KRT80: variants seen among roughly 807,000 people sequenced by gnomAD.
KRT80 encodes the protein keratin 80, also known as keratin, type II cytoskeletal 80.
Under a neutral mutation model 51.5 loss-of-function variants are expected in KRT80, and 36 were observed. The observed-to-expected ratio is 0.70, with a 90% CI of 0.54 to 0.92. The LOEUF is 0.92. Ranked by LOEUF, KRT80 falls within the 40% of genes least tolerant of loss-of-function variation. The pLI is 0.00. For synonymous variants in KRT80, 235 were observed against 248.3 expected (o/e 0.95, Z 0.50); for missense variants, 566 against 591.7 (o/e 0.96, Z 0.45).
chr12:52,173,823 C>A, intron 4 of KRT80, 59 bp from the exon 5 acceptor site: 2 of 1,537,340 alleles, frequency 1.3e-6, no homozygotes, highest in Non-Finnish European at 1.8e-6. Flanking sequence ...GGACCCTCAG[C>A]CCCACACAGT....
At chr12:52,186,946 A>G (rs1416358940) in intron 1 of KRT80, among the ~76,000 whole-genome samples, 4 of 150,510 alleles carry the variant, frequency 2.7e-5, no homozygotes, top group Non-Finnish European at 5.9e-5. Context: ...TCTCCTCCCC[A>G]TTTGTTCTTC....
intron 2 of KRT80, among the ~76,000 whole-genome samples, chr12:52,182,972 C>T (rs1375401358): frequency 6.6e-6 from 1 of 152,206 alleles, no homozygotes; most frequent in Non-Finnish European, 1.5e-5. Context: ...AAGCCCCCTT[C>T]CTCACGGGCT....
At position 52,173,607 on chromosome 12, in the gene KRT80, C is replaced by T. The variant is rs543387824; in HGVS notation, c.824G>A (p.Arg275Gln). ...CTGTGTGGTCAGCCCCACCTGGCTC[C>T]GAGAGTATGCCTCGGCCTCCTCCAG... ...RSLEEAEAYS[R>Q]SQLEEQAARS... Residue 275 changes from arginine (R) to glutamine (Q), a missense_variant, in exon 5 of 9, where the codon CGG (arginine) becomes CAG (glutamine). By Grantham distance (43) the Arg-to-Gln change is conservative. Transcript: ENST00000394815. 111 of 1,612,508 alleles carry T rather than the reference C, an allele frequency of 6.9e-5. 2 individuals carry two copies. The East Asian group carries it at 1.4e-3, about 21-fold the overall frequency.
intron 2 of KRT80, among the ~76,000 whole-genome samples, chr12:52,184,620 A>C (rs186577308): frequency 2.6e-4 from 40 of 152,382 alleles, no homozygotes; most frequent in Non-Finnish European, 2.9e-4. Flanking sequence ...ACACAGGAAG[A>C]AACTGAGGTT....
chr12:52,171,785 C>T, intron 7 of KRT80, 72 bp from the exon 8 acceptor site: 1 of 1,067,702 alleles, frequency 9.4e-7, no homozygotes, highest in Non-Finnish European at 1.4e-6. Flanking sequence ...CTTAAACTCC[C>T]CTGGGGGCTG....
chr12:52,178,892 C>G (rs1941276627), intron 4 of KRT80, among the ~76,000 whole-genome samples: 1 of 151,932 alleles, frequency 6.6e-6, no homozygotes, highest in East Asian at 1.9e-4. Flanking sequence ...AAAACAAGGC[C>G]AAGTTGGGAT....
At chr12:52,188,075 C>T (rs1941431954) in intron 1 of KRT80, among the ~76,000 whole-genome samples, 5 of 152,132 alleles carry the variant, frequency 3.3e-5, no homozygotes. Context: ...CTCTGGTTGT[C>T]TCAGTGGGCG....
At chr12:52,175,182 A>G (rs1006114000) in intron 4 of KRT80, among the ~76,000 whole-genome samples, 2 of 152,124 alleles carry the variant, frequency 1.3e-5, no homozygotes, top group African/African-American at 4.8e-5. Context: ...GTTGGTCCAT[A>G]TGTCTGTAGG....
In KRT80 at chr12:52,191,937, G is replaced by A. The variant is rs1941488891; in HGVS notation, c.-35C>T. On this transcript the variant is annotated 5_prime_UTR_variant, in exon 1 of 9. Transcript: ENST00000394815. ...GGCCGGAAGCAGGAGGGCCCAGGGG[G>A]GTGAGCGAGTGAGCCTGGGGTTGCG... The A allele has an allele frequency of 1.4e-6, 2 of 1,437,794 alleles. No homozygotes were observed. The highest frequency in any genetic ancestry group is 1.8e-6 in the Non-Finnish European group (2 of 1,096,118). 89.1% of individuals were successfully genotyped at this position (1,437,794 alleles called of 1,614,324 possible).
In KRT80 at chr12:52,191,798, C is replaced by G; in HGVS notation, c.105G>C (p.Arg35Ser). The change falls in exon 1 of 9, where the codon AGG (arginine) becomes AGC (serine). Residue 35 changes from arginine to serine, a missense_variant. Coordinates refer to ENST00000394815, the MANE Select transcript of KRT80 (RefSeq NM_182507.3). ...RPGTSGWDSCRAPGPGFSSRS... is the reference protein window; with the variant it reads ...RPGTSGWDSCSAPGPGFSSRS... ...GGGAGCTGAAGCCCGGCCCGGGGGC[C>G]CTGCAGCTGTCCCATCCTGAGGTTC... is the stretch of plus-strand genomic sequence containing the variant. 1.9e-6 allele frequency: 3 copies of G among 1,608,700 alleles called. No homozygotes were observed. Among genetic ancestry groups the G allele is most frequent in the Non-Finnish European group, 2.5e-6 (3 of 1,177,780 alleles).
intron 1 of KRT80, chr12:52,185,800 G>A: frequency 5.7e-6 from 6 of 1,054,712 alleles, no homozygotes; most frequent in East Asian, 5.4e-5. Context: ...GAGCAAGGTG[G>A]AGCCAATTAG....
At chr12:52,178,425 C>T (rs1262803846) in intron 4 of KRT80, among the ~76,000 whole-genome samples, 3 of 152,230 alleles carry the variant, frequency 2.0e-5, no homozygotes, top group Non-Finnish European at 2.9e-5. Context: ...GGCTCCCCTC[C>T]TGCCTTAGGG....
At chr12:52,188,563 C>T (rs1592367487) in intron 1 of KRT80, among the ~76,000 whole-genome samples, 2 of 152,348 alleles carry the variant, frequency 1.3e-5, no homozygotes, top group East Asian at 3.9e-4. Context: ...AGCCAGGGAG[C>T]CTCAAAGACT....
At position 52,172,197 on chromosome 12, in the gene KRT80, C is replaced by T. The variant is rs773124353; in HGVS notation, c.1178+1G>A. ...CCTTCCTCACCAGCCCTGGCTCTCA[C>T]CTGCCCTCCTCGCCCTCCACCAGCT... On this transcript the variant is annotated splice_donor_variant, in intron 7 of 8. Coordinates refer to ENST00000394815, the MANE Select transcript of KRT80 (RefSeq NM_182507.3). LOFTEE classifies it high-confidence loss of function. 1.2e-6 allele frequency: 2 copies of T among 1,613,370 alleles called. No individual in the cohort carries two copies. Among genetic ancestry groups the T allele is most frequent in the Non-Finnish European group, 8.5e-7 (1 of 1,179,998 alleles).
intron 3 of KRT80, 76 bp from the exon 4 acceptor site, chr12:52,180,684 C>T (rs1423056625): frequency 1.3e-6 from 2 of 1,583,700 alleles, no homozygotes; most frequent in Non-Finnish European, 1.7e-6. Context: ...GGGGGGCTGC[C>T]TCCTGGGTGA....
At position 52,180,978 on chromosome 12, in the gene KRT80, G is replaced by A. The variant is rs1242357627; in HGVS notation, c.510-15C>T. The A allele has an allele frequency of 1.3e-6, 2 of 1,517,380 alleles. No individual in the cohort carries two copies. The highest frequency in any genetic ancestry group is 2.8e-5 in the African/African-American group (2 of 71,626). 94.0% of individuals were successfully genotyped at this position (1,517,380 alleles called of 1,614,324 possible). ...CATCCTCATACCTGGGAGGGAGAGA[G>A]GGGTTGCTCAGCTGGATATGGTGGG... On this transcript the variant is annotated splice_polypyrimidine_tract_variant and intron_variant, in intron 2 of 8. Transcript: ENST00000394815.
rs758581368 is a variant in KRT80, at chr12:52,191,674, G to A, written c.229C>T (p.Gln77Ter). Residue 77 changes from glutamine (Q) to a stop codon, truncating the protein, a stop_gained, in exon 1 of 9, where the codon CAG becomes TAG. Coordinates refer to ENST00000394815, the MANE Select transcript of KRT80 (RefSeq NM_182507.3). LOFTEE classifies it high-confidence loss of function. ...PLDVKLDPAVQQLKNQEKEEM... is the reference protein window; with the variant it reads ...PLDVKLDPAV Reference sequence around the variant, plus strand: ...TCCTTCTCCTGGTTCTTCAGCTGCTGAACAGCGGGGTCCAACTTGACATCC... The same window carrying A: ...TCCTTCTCCTGGTTCTTCAGCTGCTAAACAGCGGGGTCCAACTTGACATCC... The A allele has an allele frequency of 9.3e-6, 15 of 1,613,596 alleles. 1 individual carries two copies. In the South Asian group the frequency reaches 1.5e-4, roughly 17 times the overall value.
Position 52,172,330 on chromosome 12 carries a change from TCCAGCTGGG to T in KRT80, c.1037_1045del (p.Ala346_Leu348del), listed in dbSNP as rs763514021. 1.1e-5 allele frequency: 17 copies of T among 1,614,088 alleles called. No individual in the cohort carries two copies. Among genetic ancestry groups the T allele is most frequent in the Non-Finnish European group, 1.4e-5 (17 of 1,180,042 alleles). ...CTGCTTGGCCTGCTGCAGGGCGGCCTCCAGCTGGGCCAGCTTGGTCTTGGCATCCTGGAA... is the reference window on the plus strand; with the variant it reads ...CTGCTTGGCCTGCTGCAGGGCGGCCTCCAGCTTGGTCTTGGCATCCTGGAA... On this transcript the variant is annotated inframe_deletion, in exon 7 of 9. Transcript: ENST00000394815.
intron 1 of KRT80, 46 bp from the exon 2 acceptor site, chr12:52,185,633 G>C: frequency 6.3e-7 from 1 of 1,582,598 alleles, no homozygotes; most frequent in Non-Finnish European, 8.5e-7. Flanking sequence ...TGGACCAGTC[G>C]GGGGCTGAGG....
Sources: gnomAD v4.1 joint callset for allele counts (sites outside exome capture counted in the v4.1 genomes callset) on GRCh38, gnomAD v4.1.1 for gene constraint, MANE v1.5 for transcripts, NCBI Gene and HGNC (gene_info 2026-07-23, HGNC 2026-07-21) for gene names.